The following LRRC4C variants were observed in gnomAD, a reference collection of about 807,000 sequenced individuals.
The protein encoded by LRRC4C is leucine rich repeat containing 4C.
In LRRC4C, 5 loss-of-function variants were observed where a neutral mutation model predicts 33.6. The observed-to-expected ratio is 0.15, with a 90% CI of 0.08 to 0.31. The LOEUF is 0.31. Ranked by LOEUF, LRRC4C falls within the 10% of genes least tolerant of loss-of-function variation. The pLI is 1.00. For synonymous variants in LRRC4C, 329 were observed against 302.0 expected, an observed-to-expected ratio of 1.09 and a Z score of -0.93; for missense variants, 560 against 796.7, an observed-to-expected ratio of 0.70 and a Z score of 3.58.
At chr11:41,346,179 A>G (rs748088626) in intron 1 of LRRC4C, among the ~76,000 whole-genome samples, 7 of 152,186 alleles carry the variant, frequency 4.6e-5, no homozygotes, top group African/African-American at 7.2e-5. Context: ...AAAACAAAGC[A>G]CATTAAAGAG....
chr11:41,064,822 G>A (rs151253622), intron 1 of LRRC4C, among the ~76,000 whole-genome samples: 24 of 152,290 alleles, frequency 1.6e-4, no homozygotes, highest in Non-Finnish European at 2.9e-4. Flanking sequence ...GCACGGAGTC[G>A]GGGGACCTCC....
intron 1 of LRRC4C, among the ~76,000 whole-genome samples, chr11:41,061,267 T>C (rs186582611): frequency 8.5e-5 from 13 of 152,254 alleles, no homozygotes; most frequent in African/African-American, 2.9e-4. Flanking sequence ...CTTACTCTTA[T>C]TGATAACAGA....
At chr11:40,937,995 G>A (rs917459903) in intron 1 of LRRC4C, among the ~76,000 whole-genome samples, 3 of 152,070 alleles carry the variant, frequency 2.0e-5, no homozygotes, top group Non-Finnish European at 2.9e-5. Flanking sequence ...CTGATTCATC[G>A]TAATGTTGGA....
rs540548890 is a variant in LRRC4C at position 40,349,203 on chromosome 11, T to A, written c.-269-29482A>T. ...TTTTTAATCCATTAATCATCCCCAC[T>A]CCCTTCCTCCACAAATACCCTTCCC... On this transcript the variant is annotated intron_variant, in intron 3 of 6. Coordinates refer to ENST00000528697, the MANE Select transcript of LRRC4C (RefSeq NM_001258419.2). 2.6e-5 allele frequency among the ~76,000 whole-genome samples: 4 copies of A among 152,240 alleles called. No individual in the cohort carries two copies. In the East Asian group the frequency reaches 7.7e-4, roughly 29 times the overall value.
chr11:40,806,882 T>TA (rs924622897), intron 2 of LRRC4C, among the ~76,000 whole-genome samples: 8 of 152,242 alleles, frequency 5.3e-5, no homozygotes, highest in Admixed American at 2.0e-4. Context: ...AGTCTTGAAT[T>TA]AAAAATGTTC....
In LRRC4C at chr11:40,521,076, C is replaced by A. The variant is rs150064833; in HGVS notation, c.-270+127066G>T. ...ACATTAATAAAGCAACAAAAGCAACCATTTGTGAAATGTAGGAGAAATTAT... is the reference window on the plus strand; with the variant it reads ...ACATTAATAAAGCAACAAAAGCAACAATTTGTGAAATGTAGGAGAAATTAT... On this transcript the variant is annotated intron_variant, in intron 3 of 6. Transcript: ENST00000528697. Among the ~76,000 whole-genome samples the A allele has an allele frequency of 1.7e-3, 260 of 152,080 alleles. 3 individuals are homozygous for A. The highest frequency in any genetic ancestry group is 6.1e-3 in the African/African-American group (251 of 41,482).
chr11:40,626,101 A>G (rs942603266), intron 3 of LRRC4C, among the ~76,000 whole-genome samples: 1 of 152,152 alleles, frequency 6.6e-6, no homozygotes, highest in Admixed American at 6.5e-5. Context: ...TGTTACCCCC[A>G]TATTTTCTCT....
chr11:41,033,183 G>GA (rs1185722179), intron 1 of LRRC4C, among the ~76,000 whole-genome samples: 2 of 151,490 alleles, frequency 1.3e-5, no homozygotes, highest in African/African-American at 2.4e-5. Flanking sequence ...GAATATTGAG[G>GA]AAAAAAAATC....
At chr11:41,223,266 G>A (rs997760688) in intron 1 of LRRC4C, among the ~76,000 whole-genome samples, 3 of 152,140 alleles carry the variant, frequency 2.0e-5, no homozygotes, top group African/African-American at 7.2e-5. Context: ...TGGCTGAAAG[G>A]TTCTGAGTTT....
intron 4 of LRRC4C, among the ~76,000 whole-genome samples, chr11:40,263,568 T>C (rs1401717712): frequency 6.6e-6 from 1 of 152,156 alleles, no homozygotes; most frequent in Non-Finnish European, 1.5e-5. Context: ...TTGCCCAAGC[T>C]GGACTCAAAT....
At chr11:40,513,505 G>T (rs1955428667) in intron 3 of LRRC4C, among the ~76,000 whole-genome samples, 2 of 152,062 alleles carry the variant, frequency 1.3e-5, no homozygotes, top group Non-Finnish European at 2.9e-5. Flanking sequence ...CAGCTGATAA[G>T]TACACAGGGC....
At chr11:40,510,579 C>T (rs1005263630) in intron 3 of LRRC4C, among the ~76,000 whole-genome samples, 1 of 152,028 alleles carries the variant, frequency 6.6e-6, no homozygotes, top group African/African-American at 2.4e-5. Context: ...AGCATAAAAA[C>T]AGAAGAAAAT....
intron 3 of LRRC4C, among the ~76,000 whole-genome samples, chr11:40,618,681 G>T (rs2220903): frequency 1.3e-5 from 2 of 151,468 alleles, no homozygotes; most frequent in Non-Finnish European, 3.0e-5. Flanking sequence ...GCTATCGCTA[G>T]AAAGCCTCAC....
intron 1 of LRRC4C, among the ~76,000 whole-genome samples, chr11:41,081,005 T>C (rs2135483380): frequency 6.6e-6 from 1 of 152,330 alleles, no homozygotes; most frequent in South Asian, 2.1e-4. Flanking sequence ...AGTTTCATTT[T>C]CTGAGGATTT....
At chr11:40,864,009 A>G (rs1954231584) in intron 2 of LRRC4C, among the ~76,000 whole-genome samples, 1 of 152,104 alleles carries the variant, frequency 6.6e-6, no homozygotes, top group Admixed American at 6.6e-5. Context: ...AATTATATTG[A>G]TGGCAAAATG....
intron 1 of LRRC4C, among the ~76,000 whole-genome samples, chr11:41,353,343 C>A (rs574560154): frequency 2.0e-5 from 3 of 151,996 alleles, no homozygotes; most frequent in Non-Finnish European, 4.4e-5. Context: ...CTGAACAGAC[C>A]AATAATGAGT....
chr11:41,057,313 C>T (rs1306090829), intron 1 of LRRC4C, among the ~76,000 whole-genome samples: 2 of 152,228 alleles, frequency 1.3e-5, no homozygotes, highest in Non-Finnish European at 2.9e-5. Flanking sequence ...GCCTAAGACC[C>T]TCCAAACTTT....
chr11:41,323,187 G>A (rs926252748), intron 1 of LRRC4C, among the ~76,000 whole-genome samples: 1 of 151,576 alleles, frequency 6.6e-6, no homozygotes, highest in Non-Finnish European at 1.5e-5. Context: ...TTAATCTATT[G>A]CCCCCAGTGA....
At chr11:41,049,525 G>C (rs11036204) in intron 1 of LRRC4C, among the ~76,000 whole-genome samples, 4,271 of 152,260 alleles carry the variant, frequency 0.028, 195 homozygotes, top group East Asian at 0.21. Flanking sequence ...TGCTGTGTTA[G>C]AAATGGGTTG....
Sources: allele counts gnomAD v4.1 joint callset (sites outside exome capture counted in the v4.1 genomes callset), GRCh38; gene constraint gnomAD v4.1.1; transcripts MANE v1.5; gene names NCBI Gene and HGNC (gene_info 2026-07-23, HGNC 2026-07-21).